BICDL1: variants seen among roughly 807,000 people sequenced by gnomAD.
BICDL1 encodes the protein BICD family like cargo adaptor 1.
Under a neutral mutation model 76.8 loss-of-function variants are expected in BICDL1, and 20 were observed. That is an observed-to-expected ratio of 0.26 (90% CI 0.18 to 0.38). The LOEUF (loss-of-function observed/expected upper bound fraction) is 0.38, where lower values mean the gene tolerates loss of function less well. BICDL1 is among the 10% of genes least tolerant of loss of function. The pLI is 1.00. For synonymous variants in BICDL1, 383 were observed against 337.1 expected (o/e 1.14, Z -1.49); for missense variants, 700 against 798.6 (o/e 0.88, Z 1.49).
intron 2 of BICDL1, among the ~76,000 whole-genome samples, chr12:120,058,631 C>A (rs1953034330): frequency 6.8e-6 from 1 of 147,696 alleles, no homozygotes; most frequent in Admixed American, 6.9e-5. Context: ...TGCCCTGTGG[C>A]CCAGGCTGGA....
chr12:120,005,722 A>G (rs1390006254), intron 2 of BICDL1, among the ~76,000 whole-genome samples: 3 of 152,060 alleles, frequency 2.0e-5, no homozygotes, highest in Non-Finnish European at 2.9e-5. Flanking sequence ...TTCACTTACT[A>G]TATCTTGGAA....
intron 2 of BICDL1, among the ~76,000 whole-genome samples, chr12:120,021,704 AGATCAACCTGG>A (rs1362504688): frequency 1.1e-3 from 165 of 151,048 alleles, no homozygotes; most frequent in African/African-American, 3.6e-3. Flanking sequence ...CTCCAGTTGG[AGATCAACCTGG>A]CTAACATGGT....
chr12:120,052,130 G>A (rs1211691306), intron 2 of BICDL1, among the ~76,000 whole-genome samples: 1 of 151,994 alleles, frequency 6.6e-6, no homozygotes, highest in Non-Finnish European at 1.5e-5. Flanking sequence ...TTTTAGTAGA[G>A]ACGGGTTTTC....
At chr12:120,013,439 AGTGTGT>A (rs35499277) in intron 2 of BICDL1, among the ~76,000 whole-genome samples, 8,510 of 134,796 alleles carry the variant, frequency 0.063, 490 homozygotes, top group African/African-American at 0.16. Flanking sequence ...CTTTAACCAG[AGTGTGT>A]GTGTGTGTGT....
At chr12:120,041,609 G>A (rs1952643342) in intron 2 of BICDL1, among the ~76,000 whole-genome samples, 1 of 152,258 alleles carries the variant, frequency 6.6e-6, no homozygotes, top group East Asian at 1.9e-4. Flanking sequence ...TTAAACAGAG[G>A]AAAGGAATGG....
At chr12:120,009,906 G>A (rs1951920734) in intron 2 of BICDL1, among the ~76,000 whole-genome samples, 1 of 152,220 alleles carries the variant, frequency 6.6e-6, no homozygotes, top group Non-Finnish European at 1.5e-5. Context: ...ATAGTCCAGT[G>A]CTATTATAAG....
At chr12:120,045,917 T>TATAATAATAATAATA (rs72097325) in intron 2 of BICDL1, among the ~76,000 whole-genome samples, 16,464 of 137,462 alleles carry the variant, frequency 0.12, 1,111 homozygotes, top group South Asian at 0.26. Context: ...CTTAAAGTAT[T>TATAATAATAATAATA]ATAATAATAA....
At chr12:120,011,450 T>C (rs766622175) in intron 2 of BICDL1, among the ~76,000 whole-genome samples, 17 of 152,178 alleles carry the variant, frequency 1.1e-4, no homozygotes, top group Non-Finnish European at 2.1e-4. Flanking sequence ...CAATTCTAAC[T>C]AGGTAGGATT....
At chr12:120,003,104 G>C (rs1951788429) in intron 2 of BICDL1, among the ~76,000 whole-genome samples, 1 of 150,860 alleles carries the variant, frequency 6.6e-6, no homozygotes, top group African/African-American at 2.4e-5. Context: ...GCTGCAGTGA[G>C]CCGAAATTGT....
rs1873102764 is a variant in BICDL1, at chr12:120,071,510, T to C, written c.910-112T>C. 1 of 1,378,556 alleles carries C rather than the reference T, an allele frequency of 7.3e-7. No individual in the cohort carries two copies. The highest frequency in any genetic ancestry group is 9.6e-7 in the Non-Finnish European group (1 of 1,044,898). The allele number at this position is 1,378,556 out of a possible 1,614,324, so 85.4% of individuals were successfully genotyped here. On this transcript the variant is annotated intron_variant, in intron 4 of 9. Coordinates refer to ENST00000548673, the MANE Select transcript of BICDL1 (RefSeq NM_001367886.1). The surrounding 1 kb of genome is among the most constrained non-coding windows in gnomAD (Gnocchi z 4.8). Reference sequence around the variant, plus strand: ...TAGTTTAACATGTTCTTCTCTCCTATTTATTTTTCTATAAATTGGTGGTTG... The same window carrying C: ...TAGTTTAACATGTTCTTCTCTCCTACTTATTTTTCTATAAATTGGTGGTTG...
At chr12:120,050,397 G>T (rs1313899681) in intron 2 of BICDL1, among the ~76,000 whole-genome samples, 1 of 151,372 alleles carries the variant, frequency 6.6e-6, no homozygotes, top group Non-Finnish European at 1.5e-5. Context: ...CTCCCAAGTA[G>T]TTGGGACTAC....
chr12:120,030,433 G>A (rs1250700062), intron 2 of BICDL1, among the ~76,000 whole-genome samples: 1 of 152,142 alleles, frequency 6.6e-6, no homozygotes, highest in Non-Finnish European at 1.5e-5. Context: ...AGTGAGACAG[G>A]CTTGCGTCAC....
intron 2 of BICDL1, among the ~76,000 whole-genome samples, chr12:120,051,513 A>G (rs1047385405): frequency 2.0e-5 from 3 of 151,940 alleles, no homozygotes; most frequent in African/African-American, 4.8e-5. Context: ...TTTTTTTACT[A>G]TAATATTATT....
At chr12:120,020,281 C>G (rs972941305) in intron 2 of BICDL1, among the ~76,000 whole-genome samples, 2 of 152,160 alleles carry the variant, frequency 1.3e-5, no homozygotes, top group Non-Finnish European at 2.9e-5. Context: ...GGAGTTGTGT[C>G]AAAAGGACAG....
chr12:119,997,042 G>A (rs1462098137), intron 1 of BICDL1, among the ~76,000 whole-genome samples: 5 of 151,036 alleles, frequency 3.3e-5, no homozygotes, highest in Non-Finnish European at 7.4e-5. Context: ...TCTGCCTCCC[G>A]GGTTCATGCC....
At chr12:120,074,147 T>C (rs1208138542) in intron 6 of BICDL1, among the ~76,000 whole-genome samples, 1 of 152,096 alleles carries the variant, frequency 6.6e-6, no homozygotes, top group Non-Finnish European at 1.5e-5. Context: ...TCTCCTGACC[T>C]CGTGATCTGC....
chr12:120,090,867 C>T lies in BICDL1; in HGVS notation c.1704+796C>T, dbSNP rs367922660. 101 of 1,288,204 alleles carry T rather than the reference C, an allele frequency of 7.8e-5. 1 individual carries two copies. In the East Asian group the frequency reaches 1.9e-3, roughly 24 times the overall value. 79.8% of individuals were successfully genotyped at this position (1,288,204 alleles called of 1,614,324 possible). ...CTCCTGCATGGCAGCCAGCTGGCCG[C>T]GCCCTGGCTGACCGCTGCTCTCTCT... On this transcript the variant is annotated intron_variant, in intron 9 of 9. Coordinates refer to ENST00000548673, the MANE Select transcript of BICDL1 (RefSeq NM_001367886.1).
At chr12:120,017,763 C>A (rs1343171185) in intron 2 of BICDL1, among the ~76,000 whole-genome samples, 2 of 152,084 alleles carry the variant, frequency 1.3e-5, no homozygotes, top group Admixed American at 1.3e-4. Context: ...AAGATTTGGC[C>A]GCATAATAGT....
At chr12:120,065,243 A>G (rs1213845868) in intron 4 of BICDL1, among the ~76,000 whole-genome samples, 1 of 152,220 alleles carries the variant, frequency 6.6e-6, no homozygotes, top group Non-Finnish European at 1.5e-5. Flanking sequence ...TCTCTAACTC[A>G]GCTCATAATG....
Sources: allele counts gnomAD v4.1 joint callset (sites outside exome capture counted in the v4.1 genomes callset), GRCh38; gene constraint gnomAD v4.1.1; non-coding constraint Gnocchi (gnomAD v3.1); transcripts MANE v1.5; gene names NCBI Gene and HGNC (gene_info 2026-07-23, HGNC 2026-07-21).